Variants in FRYL observed in about 807,000 individuals in gnomAD.
FRYL encodes FRY like transcription coactivator.
FRYL carries 150 observed loss-of-function variants against 351.2 expected under a neutral mutation model. The observed-to-expected ratio is 0.43, with a 90% CI of 0.37 to 0.49. The LOEUF is 0.49. Among genes scored for constraint, FRYL ranks in the 20% least tolerant of loss-of-function variants. The pLI, the probability that FRYL is intolerant of heterozygous loss-of-function variation, is 0.00. For synonymous variants in FRYL, 1,153 were observed against 1,257.1 expected (o/e 0.92, Z 1.75); for missense variants, 3,036 against 3,619.3 (o/e 0.84, Z 4.13).
chr4:48,555,017 C>A (rs1391673228), intron 35 of FRYL, among the ~76,000 whole-genome samples: 3 of 152,204 alleles, frequency 2.0e-5, no homozygotes, highest in Non-Finnish European at 4.4e-5. Flanking sequence ...TCTCACCAAA[C>A]TCATAGATTC....
intron 4 of FRYL, among the ~76,000 whole-genome samples, chr4:48,633,509 C>A (rs1435831435): frequency 6.6e-6 from 1 of 152,154 alleles, no homozygotes; most frequent in African/African-American, 2.4e-5. Flanking sequence ...ATCAGTATCT[C>A]AAGCTTAAGG....
intron 1 of FRYL, among the ~76,000 whole-genome samples, chr4:48,758,357 C>CTGT (rs1388721844): frequency 2.6e-5 from 4 of 152,168 alleles, no homozygotes; most frequent in African/African-American, 9.7e-5. Flanking sequence ...TATCCAGAAT[C>CTGT]TACAAAGAAC....
chr4:48,703,574 T>C (rs1766996080), intron 2 of FRYL, among the ~76,000 whole-genome samples: 1 of 152,226 alleles, frequency 6.6e-6, no homozygotes, highest in Non-Finnish European at 1.5e-5. Context: ...CTGTTTCCTA[T>C]GTCTGGAAGC....
intron 1 of FRYL, among the ~76,000 whole-genome samples, chr4:48,756,167 A>C (rs1326870019): frequency 2.0e-5 from 3 of 151,664 alleles, no homozygotes; most frequent in Non-Finnish European, 4.4e-5. Flanking sequence ...TGGGAGGTCA[A>C]GGCTGCAGTG....
chr4:48,499,261 C>T lies in FRYL; in HGVS notation c.*161G>A. On this transcript the variant is annotated 3_prime_UTR_variant, in exon 64 of 64. Coordinates refer to ENST00000358350, the MANE Select transcript of FRYL (RefSeq NM_015030.2). Reference sequence around the variant, plus strand: ...CTGTTAAAATATCAGATGTTTTTTTCTTTCAGATCTTTGTTTTTGATGATA... The same window carrying T: ...CTGTTAAAATATCAGATGTTTTTTTTTTTCAGATCTTTGTTTTTGATGATA... The T allele has an allele frequency of 2.1e-5, 13 of 614,902 alleles. No individual in the cohort carries two copies. Among genetic ancestry groups the T allele is most frequent in the African/African-American group, 5.6e-5 (3 of 54,032 alleles). The allele number at this position is 614,902 out of a possible 1,614,324, so 38.1% of individuals were successfully genotyped here. A position where few individuals can be genotyped will look rare whatever the true frequency, so the allele number is the denominator to read the frequency against.
chr4:48,756,439 T>C (rs1773784202), intron 1 of FRYL, among the ~76,000 whole-genome samples: 1 of 152,138 alleles, frequency 6.6e-6, no homozygotes, highest in Non-Finnish European at 1.5e-5. Flanking sequence ...TGATACCTAC[T>C]GTCTCTGCCA....
At chr4:48,749,538 G>A (rs1467647047) in intron 1 of FRYL, among the ~76,000 whole-genome samples, 3 of 152,164 alleles carry the variant, frequency 2.0e-5, no homozygotes, top group Admixed American at 6.5e-5. Flanking sequence ...CGGGATCCTG[G>A]AAGCTCATGG....
At chr4:48,713,345 G>A (rs1226178115) in intron 1 of FRYL, among the ~76,000 whole-genome samples, 3 of 151,960 alleles carry the variant, frequency 2.0e-5, no homozygotes, top group Admixed American at 6.6e-5. Context: ...AAAGAGTCAC[G>A]ACCCATCAGT....
At chr4:48,598,496 T>A (rs2149239493) in intron 13 of FRYL, among the ~76,000 whole-genome samples, 1 of 152,336 alleles carries the variant, frequency 6.6e-6, no homozygotes, top group East Asian at 1.9e-4. Context: ...TCTAAGCTAC[T>A]GTCTCCTTAA....
At chr4:48,514,082 TA>T (rs909293512) in intron 56 of FRYL, among the ~76,000 whole-genome samples, 18 of 151,720 alleles carry the variant, frequency 1.2e-4, no homozygotes, top group Non-Finnish European at 4.4e-5. Context: ...ATGTTGATGG[TA>T]AAAAAAAATC....
intron 22 of FRYL, 88 bp from the exon 23 acceptor site, chr4:48,579,329 A>G: frequency 9.5e-7 from 1 of 1,058,104 alleles, no homozygotes; most frequent in Non-Finnish European, 1.4e-6. Flanking sequence ...AAAGTGGTGT[A>G]TTAGTAGTTT....
At chr4:48,514,235 T>C (rs543492487) in intron 56 of FRYL, among the ~76,000 whole-genome samples, 1 of 152,218 alleles carries the variant, frequency 6.6e-6, no homozygotes, top group Non-Finnish European at 1.5e-5. Context: ...GAGCTCCAAA[T>C]TGTTGAATGG....
At chr4:48,658,124 A>G (rs1578572083) in intron 3 of FRYL, among the ~76,000 whole-genome samples, 1 of 148,464 alleles carries the variant, frequency 6.7e-6, no homozygotes, top group East Asian at 2.0e-4. Context: ...ATAAAATGTT[A>G]CTTAATATAG....
chr4:48,675,898 T>C (rs1206786714), intron 3 of FRYL, among the ~76,000 whole-genome samples: 1 of 152,146 alleles, frequency 6.6e-6, no homozygotes, highest in Non-Finnish European at 1.5e-5. Flanking sequence ...GGTTTGTAAA[T>C]ACACCAATCA....
intron 9 of FRYL, among the ~76,000 whole-genome samples, chr4:48,608,424 AACC>A (rs1192931455): frequency 2.0e-5 from 3 of 152,316 alleles, no homozygotes; most frequent in African/African-American, 7.2e-5. Context: ...TTGTTACAGT[AACC>A]ACAAGTTGCT....
At chr4:48,646,925 T>C (rs557676932) in intron 3 of FRYL, among the ~76,000 whole-genome samples, 7 of 151,956 alleles carry the variant, frequency 4.6e-5, no homozygotes, top group Admixed American at 1.3e-4. Flanking sequence ...TGGCAAACAG[T>C]TGAATAATGC....
intron 1 of FRYL, among the ~76,000 whole-genome samples, chr4:48,773,521 G>T (rs926692894): frequency 2.0e-5 from 3 of 152,066 alleles, no homozygotes; most frequent in African/African-American, 7.2e-5. Context: ...GTCATCAAAT[G>T]ATTATGTTAG....
intron 19 of FRYL, 79 bp from the exon 20 acceptor site, chr4:48,582,813 T>G: frequency 1.1e-6 from 1 of 890,068 alleles, no homozygotes. Flanking sequence ...AACTATGACC[T>G]TAAAATAAAT....
chr4:48,673,614 T>C (rs1763068841), intron 3 of FRYL, among the ~76,000 whole-genome samples: 1 of 152,098 alleles, frequency 6.6e-6, no homozygotes, highest in Admixed American at 6.5e-5. Flanking sequence ...CATCAAACAA[T>C]AATGCAATGC....
Sources: gnomAD v4.1 joint callset for allele counts (sites outside exome capture counted in the v4.1 genomes callset) on GRCh38, gnomAD v4.1.1 for gene constraint, MANE v1.5 for transcripts, NCBI Gene and HGNC (gene_info 2026-07-23, HGNC 2026-07-21) for gene names.